The following SLC35F4 variants were observed in gnomAD, a reference collection of about 807,000 sequenced individuals.
SLC35F4 encodes the protein solute carrier family 35 member F4.
Under a neutral mutation model 44.2 loss-of-function variants are expected in SLC35F4, and 24 were observed. That is an observed-to-expected ratio of 0.54 (90% CI 0.39 to 0.76). The LOEUF is 0.76. Ranked by LOEUF, SLC35F4 falls within the 30% of genes least tolerant of loss-of-function variation. SLC35F4 has a pLI of 0.00. For missense variants in SLC35F4, 562 were observed against 586.1 expected (o/e 0.96, Z 0.42); for synonymous variants, 238 against 223.6 (o/e 1.06, Z -0.57).
chr14:57,882,557 C>A (rs1256015156), intron 1 of SLC35F4, among the ~76,000 whole-genome samples: 3 of 152,142 alleles, frequency 2.0e-5, no homozygotes, highest in Non-Finnish European at 4.4e-5. Flanking sequence ...CTTCCCTATA[C>A]TCTGGGAAAA....
In SLC35F4 at chr14:57,680,021, T is replaced by G. The variant is rs572451193; in HGVS notation, c.104-85897A>C. 5.3e-5 allele frequency among the ~76,000 whole-genome samples: 8 copies of G among 152,246 alleles called. No homozygotes were observed. The East Asian group carries it at 1.3e-3, about 26-fold the overall frequency. On this transcript the variant is annotated intron_variant, in intron 1 of 7. Coordinates refer to ENST00000556826, the MANE Select transcript of SLC35F4 (RefSeq NM_001306087.2). The stretch of plus-strand genomic sequence containing the variant: ...GGAGGGAATCCTCCCTAACTCATTT[T>G]ATGAGGCTAGCATCATCCTGATACC...
intron 1 of SLC35F4, among the ~76,000 whole-genome samples, chr14:57,794,173 C>T (rs1216155882): frequency 5.3e-5 from 8 of 151,954 alleles, no homozygotes; most frequent in Admixed American, 1.3e-4. Flanking sequence ...ACTAAGACCC[C>T]AAAAACAAAT....
intron 1 of SLC35F4, among the ~76,000 whole-genome samples, chr14:57,781,622 T>C (rs1468420888): frequency 6.6e-6 from 1 of 152,168 alleles, no homozygotes; most frequent in Non-Finnish European, 1.5e-5. Flanking sequence ...ATATGTTCAT[T>C]GTAGTATTAT....
chr14:57,677,285 A>C (rs2074725338), intron 1 of SLC35F4, among the ~76,000 whole-genome samples: 1 of 152,014 alleles, frequency 6.6e-6, no homozygotes, highest in Admixed American at 6.6e-5. Context: ...GAAAGAGATA[A>C]AAGACTACAT....
intron 1 of SLC35F4, among the ~76,000 whole-genome samples, chr14:57,948,904 G>A (rs959285040): frequency 2.0e-5 from 3 of 152,060 alleles, no homozygotes; most frequent in African/African-American, 4.8e-5. Flanking sequence ...GAGAATACTC[G>A]ATATGATTTC....
intron 1 of SLC35F4, among the ~76,000 whole-genome samples, chr14:57,789,817 C>T (rs1274022778): frequency 6.6e-6 from 1 of 152,162 alleles, no homozygotes. Flanking sequence ...TGGCTTCATC[C>T]CTGGAATGCA....
At chr14:57,917,106 G>C (rs376136460) in intron 1 of SLC35F4, among the ~76,000 whole-genome samples, 1 of 152,046 alleles carries the variant, frequency 6.6e-6, no homozygotes, top group Non-Finnish European at 1.5e-5. Flanking sequence ...AGGCTCCCAC[G>C]CTGGAGTGCA....
chr14:57,719,105 G>A (rs1224254724), intron 1 of SLC35F4, among the ~76,000 whole-genome samples: 1 of 152,136 alleles, frequency 6.6e-6, no homozygotes, highest in Non-Finnish European at 1.5e-5. Flanking sequence ...TCTTTCCCCA[G>A]TGTATGTTCT....
chr14:57,652,634 C>A (rs956069635), intron 1 of SLC35F4, among the ~76,000 whole-genome samples: 1 of 151,458 alleles, frequency 6.6e-6, no homozygotes, highest in Non-Finnish European at 1.5e-5. Context: ...TAGTAACCCC[C>A]ACACAAAGAT....
At chr14:57,583,896 G>A (rs1442989703) in intron 3 of SLC35F4, among the ~76,000 whole-genome samples, 1 of 152,150 alleles carries the variant, frequency 6.6e-6, no homozygotes, top group Admixed American at 6.5e-5. Flanking sequence ...GATGAGATCA[G>A]ACTTTCTGGG....
chr14:57,795,605 C>G (rs1186987356), intron 1 of SLC35F4, among the ~76,000 whole-genome samples: 1 of 152,040 alleles, frequency 6.6e-6, no homozygotes, highest in East Asian at 1.9e-4. Context: ...AGGAAAGTCA[C>G]CCAGAAATCC....
intron 1 of SLC35F4, among the ~76,000 whole-genome samples, chr14:57,664,157 C>T (rs190323551): frequency 2.6e-5 from 4 of 152,254 alleles, no homozygotes; most frequent in Admixed American, 2.0e-4. Flanking sequence ...TGCTGATGGC[C>T]ATGCAGTTAC....
At chr14:57,585,128 A>C (rs1277388052) in intron 3 of SLC35F4, among the ~76,000 whole-genome samples, 1 of 152,192 alleles carries the variant, frequency 6.6e-6, no homozygotes, top group African/African-American at 2.4e-5. Context: ...TTTCATAGAC[A>C]CATATAGAAA....
chr14:57,637,582 T>C (rs1461925303), intron 1 of SLC35F4, among the ~76,000 whole-genome samples: 5 of 152,148 alleles, frequency 3.3e-5, no homozygotes, highest in Non-Finnish European at 7.4e-5. Flanking sequence ...CTAGGACTGC[T>C]GTACTAGAAG....
chr14:57,926,387 T>G (rs996082821), intron 1 of SLC35F4, among the ~76,000 whole-genome samples: 1 of 152,186 alleles, frequency 6.6e-6, no homozygotes, highest in African/African-American at 2.4e-5. Flanking sequence ...AGATGTCACA[T>G]GGAACTTCTT....
chr14:57,643,588 A>G (rs2073349464), intron 1 of SLC35F4, among the ~76,000 whole-genome samples: 2 of 151,930 alleles, frequency 1.3e-5, no homozygotes, highest in African/African-American at 4.8e-5. Flanking sequence ...GCTCCCACAC[A>G]TTACAACTCA....
chr14:57,630,691 A>G (rs886705431), intron 1 of SLC35F4: 23 of 589,744 alleles, frequency 3.9e-5, no homozygotes, highest in African/African-American at 3.3e-4. Context: ...GGCCATTGAC[A>G]GTATAAACCA....
At chr14:57,859,596 A>T (rs1887504909) in intron 1 of SLC35F4, among the ~76,000 whole-genome samples, 1 of 152,094 alleles carries the variant, frequency 6.6e-6, no homozygotes, top group Non-Finnish European at 1.5e-5. Flanking sequence ...CAGAAGTGAA[A>T]AATTACTTCA....
At chr14:57,871,542 G>C (rs995659850) in intron 1 of SLC35F4, among the ~76,000 whole-genome samples, 4 of 152,096 alleles carry the variant, frequency 2.6e-5, no homozygotes, top group Non-Finnish European at 5.9e-5. Context: ...GCACACCACA[G>C]CCTCAAACCT....
Sources: allele counts gnomAD v4.1 joint callset (sites outside exome capture counted in the v4.1 genomes callset), GRCh38; gene constraint gnomAD v4.1.1; transcripts MANE v1.5; gene names NCBI Gene and HGNC (gene_info 2026-07-23, HGNC 2026-07-21).